Variants in RELL1 observed in about 807,000 individuals in gnomAD.
RELL1 encodes RELT like 1, also known as RELT-like protein 1.
A neutral mutation model predicts 23.0 loss-of-function variants in RELL1; 10 were observed. That is an observed-to-expected ratio of 0.43 (90% CI 0.27 to 0.74). The LOEUF (loss-of-function observed/expected upper bound fraction) is 0.74, where lower values mean the gene tolerates loss of function less well. Among genes scored for constraint, RELL1 ranks in the 30% least tolerant of loss-of-function variants. The pLI is 0.19. For missense variants in RELL1, 315 were observed against 364.4 expected (o/e 0.86, Z 1.10); for synonymous variants, 146 against 146.8 (o/e 0.99, Z 0.04).
intron 6 of RELL1, among the ~76,000 whole-genome samples, chr4:37,621,216 G>A (rs1719750661): frequency 6.6e-6 from 1 of 152,156 alleles, no homozygotes; most frequent in South Asian, 2.1e-4. Context: ...CAGCACTTTC[G>A]GAGGCCGAGG....
chr4:37,602,639 C>T (rs1321430878), intron 6 of RELL1, among the ~76,000 whole-genome samples: 2 of 152,106 alleles, frequency 1.3e-5, no homozygotes, highest in Non-Finnish European at 2.9e-5. Context: ...GCAGTCGCGC[C>T]CTCGGTAGGG....
chr4:37,661,507 T>C (rs1307363575), intron 1 of RELL1, among the ~76,000 whole-genome samples: 1 of 152,204 alleles, frequency 6.6e-6, no homozygotes, highest in Non-Finnish European at 1.5e-5. Context: ...CTCAAATTCC[T>C]GAGCTCAGGC....
downstream of RELL1, chr4:37,590,659 A>C (rs142956976): frequency 1.1e-5 from 17 of 1,614,006 alleles, no homozygotes; most frequent in African/African-American, 2.1e-4. Flanking sequence ...CGTTGATCAT[A>C]ATGAAAAGGA....
intron 6 of RELL1, among the ~76,000 whole-genome samples, chr4:37,604,860 C>CAT (rs1560323838): frequency 2.3e-5 from 3 of 130,930 alleles, no homozygotes; most frequent in African/African-American, 3.3e-5. Flanking sequence ...CAGACACACA[C>CAT]ACACAGACAC....
At chr4:37,608,646 AT>A (rs35471488), downstream of RELL1, among the ~76,000 whole-genome samples, 1,074 of 142,148 alleles carry the variant, frequency 7.6e-3, 14 homozygotes, top group African/African-American at 0.02. Flanking sequence ...TTTAAATTTA[AT>A]TTTTTTTTTT....
chr4:37,677,637 G>A (rs905260130), intron 1 of RELL1, among the ~76,000 whole-genome samples: 2 of 152,178 alleles, frequency 1.3e-5, no homozygotes, highest in African/African-American at 2.4e-5. Context: ...AAAATGTCAT[G>A]CTCTACCCTA....
chr4:37,586,515 T>C (rs1427120994), downstream of RELL1, among the ~76,000 whole-genome samples: 1 of 151,934 alleles, frequency 6.6e-6, no homozygotes, highest in Non-Finnish European at 1.5e-5. Context: ...CCAGGAAGAG[T>C]TGGAAGGACA....
intron 6 of RELL1, among the ~76,000 whole-genome samples, chr4:37,626,157 G>A (rs1719937234): frequency 6.6e-6 from 1 of 152,120 alleles, no homozygotes; most frequent in Non-Finnish European, 1.5e-5. Context: ...CAGTCATCAT[G>A]GAAAACAGTA....
In RELL1 at chr4:37,612,636, C is replaced by CAAAAAAAAAAAAAAAA. The variant is rs978165271; in HGVS notation, c.*694_*709dup. Among the ~76,000 whole-genome samples, 34 of 60,160 alleles carry CAAAAAAAAAAAAAAAA rather than the reference C, an allele frequency of 5.7e-4. No homozygotes were observed. Among genetic ancestry groups the CAAAAAAAAAAAAAAAA allele is most frequent in the African/African-American group, 1.8e-3 (33 of 17,998 alleles). The allele number at this position is 60,160 out of a possible 152,430, so 39.5% of individuals were successfully genotyped here. ...TAGGGGACACAGCGAGACTCTGCCT[C>CAAAAAAAAAAAAAAAA]AAAAAAAAAAAAAAAAAAACCTTCT... On this transcript the variant is annotated 3_prime_UTR_variant, in exon 7 of 7. Transcript: ENST00000454158.
In RELL1 at chr4:37,617,873, T is replaced by G. The variant is rs58760080; in HGVS notation, c.*4-4531A>C. On this transcript the variant is annotated intron_variant, in intron 6 of 6. Coordinates refer to ENST00000454158, the MANE Select transcript of RELL1 (RefSeq NM_001085400.2). ...TTTCAAAGTAGTTGGGAACTAGAAT[T>G]CGACTAATTTGCAGAGGGCTCTTGT... Among the ~76,000 whole-genome samples, 410 of 152,336 alleles carry G rather than the reference T, an allele frequency of 2.7e-3. 7 individuals are homozygous for G. The highest frequency in any genetic ancestry group is 0.021 in the South Asian group (103 of 4,828).
intron 3 of RELL1, among the ~76,000 whole-genome samples, chr4:37,643,493 C>G (rs745718308): frequency 6.6e-6 from 1 of 152,090 alleles, no homozygotes; most frequent in Non-Finnish European, 1.5e-5. Context: ...ATGCATGAAT[C>G]CAGGAAAAGA....
Position 37,624,664 on chromosome 4 carries a change from C to G in RELL1, c.*3+6721G>C, listed in dbSNP as rs1220713060. Among the ~76,000 whole-genome samples, 4 of 152,054 alleles carry G rather than the reference C, an allele frequency of 2.6e-5. No individual in the cohort carries two copies. The South Asian group carries it at 8.3e-4, about 32-fold the overall frequency. On this transcript the variant is annotated intron_variant, in intron 6 of 6. Coordinates refer to ENST00000454158, the MANE Select transcript of RELL1 (RefSeq NM_001085400.2). Reference sequence around the variant, plus strand: ...CAGGATGGTCTCGATCTCCTGACCTCGTGATCCGCCCACCTCGGCCTCCCA... The same window carrying G: ...CAGGATGGTCTCGATCTCCTGACCTGGTGATCCGCCCACCTCGGCCTCCCA...
At chr4:37,590,734 C>T (rs979609476), downstream of RELL1, 2 of 1,614,130 alleles carry the variant, frequency 1.2e-6, no homozygotes, top group Non-Finnish European at 1.7e-6. Flanking sequence ...AGTGGGGGAG[C>T]ATGGTTTGAA....
chr4:37,603,485 A>C (rs184018488), intron 6 of RELL1, among the ~76,000 whole-genome samples: 20 of 152,306 alleles, frequency 1.3e-4, no homozygotes, highest in African/African-American at 4.8e-4. Flanking sequence ...CCTCAGATAC[A>C]AAACATAGTC....
chr4:37,646,437 G>A (rs376014294), intron 3 of RELL1, among the ~76,000 whole-genome samples: 1 of 152,212 alleles, frequency 6.6e-6, no homozygotes, highest in Non-Finnish European at 1.5e-5. Context: ...GTGGACGGGG[G>A]AGGAGGGAAT....
chr4:37,641,496 C>T (rs1720529886), intron 3 of RELL1, among the ~76,000 whole-genome samples: 1 of 152,200 alleles, frequency 6.6e-6, no homozygotes, highest in African/African-American at 2.4e-5. Context: ...TTGCATATTA[C>T]TCACAGCTAC....
downstream of RELL1, chr4:37,590,402 C>T (rs1249339905): frequency 1.9e-6 from 3 of 1,613,546 alleles, no homozygotes. Context: ...TCCAGCCCCA[C>T]CCAGGATGAC....
intron 6 of RELL1, among the ~76,000 whole-genome samples, chr4:37,618,855 G>A (rs1383701009): frequency 6.6e-6 from 1 of 151,156 alleles, no homozygotes; most frequent in Non-Finnish European, 1.5e-5. Context: ...TTTTTGTTTG[G>A]TTGGTTGGTC....
At chr4:37,670,023 A>G (rs1352922445) in intron 1 of RELL1, among the ~76,000 whole-genome samples, 1 of 150,908 alleles carries the variant, frequency 6.6e-6, no homozygotes, top group East Asian at 1.9e-4. Context: ...GAAACACCCA[A>G]GAATGATCAA....
Sources: allele counts gnomAD v4.1 joint callset (sites outside exome capture counted in the v4.1 genomes callset), GRCh38; gene constraint gnomAD v4.1.1; transcripts MANE v1.5; gene names NCBI Gene and HGNC (gene_info 2026-07-23, HGNC 2026-07-21).